RAB6B: variants seen among roughly 807,000 people sequenced by gnomAD.
RAB6B encodes RAB6B, member RAS oncogene family, also known as ras-related protein Rab-6B.
A neutral mutation model predicts 31.2 loss-of-function variants in RAB6B; 7 were observed. That is an observed-to-expected ratio of 0.22 (90% CI 0.13 to 0.42). The LOEUF is 0.42. Among genes scored for constraint, RAB6B ranks in the 10% least tolerant of loss-of-function variants. The pLI is 1.00. For synonymous variants in RAB6B, 105 were observed against 104.9 expected (o/e 1.00, Z -0.01); for missense variants, 149 against 280.6 (o/e 0.53, Z 3.35).
chr3:133,863,156 A>C (rs1018582753), intron 2 of RAB6B, among the ~76,000 whole-genome samples: 4 of 152,212 alleles, frequency 2.6e-5, no homozygotes, highest in Admixed American at 2.6e-4. Context: ...GGCTGTGCAC[A>C]TCAGCCAGGG....
At chr3:133,868,548 G>C (rs1936274072) in intron 1 of RAB6B, among the ~76,000 whole-genome samples, 1 of 152,228 alleles carries the variant, frequency 6.6e-6, no homozygotes, top group Non-Finnish European at 1.5e-5. Context: ...GCAGCAAAGA[G>C]GAGCTTTTTC....
chr3:133,852,717 G>T (rs888845542), intron 2 of RAB6B, among the ~76,000 whole-genome samples: 10 of 152,114 alleles, frequency 6.6e-5, no homozygotes, highest in African/African-American at 2.2e-4. Context: ...GGGCACAAGT[G>T]ATCCTTCCGC....
intron 7 of RAB6B, among the ~76,000 whole-genome samples, chr3:133,831,288 G>A (rs371244570): frequency 2.6e-4 from 40 of 152,166 alleles, no homozygotes; most frequent in East Asian, 1.2e-3. Flanking sequence ...ACAGACATCC[G>A]GGAAACCAAT....
intron 1 of RAB6B, among the ~76,000 whole-genome samples, chr3:133,874,217 G>A (rs1936361992): frequency 6.6e-6 from 1 of 152,182 alleles, no homozygotes. Context: ...TCTATCTATA[G>A]TCATGCTTTG....
chr3:133,850,470 T>C (rs1449527009), intron 2 of RAB6B, among the ~76,000 whole-genome samples: 1 of 152,124 alleles, frequency 6.6e-6, no homozygotes, highest in African/African-American at 2.4e-5. Flanking sequence ...AAGGCGCAGA[T>C]TTAAAAATCT....
chr3:133,871,696 A>T (rs1296010961), intron 1 of RAB6B, among the ~76,000 whole-genome samples: 2 of 152,238 alleles, frequency 1.3e-5, no homozygotes, highest in Non-Finnish European at 2.9e-5. Context: ...GGCTGCTGTA[A>T]GGGCCAGAAA....
At chr3:133,858,351 A>G (rs1936111324) in intron 2 of RAB6B, among the ~76,000 whole-genome samples, 1 of 152,320 alleles carries the variant, frequency 6.6e-6, no homozygotes, top group East Asian at 1.9e-4. Flanking sequence ...AATTCTTAAC[A>G]TGTTTTTAAA....
chr3:133,858,137 G>A (rs1257304575), intron 2 of RAB6B, among the ~76,000 whole-genome samples: 1 of 152,120 alleles, frequency 6.6e-6, no homozygotes, highest in Non-Finnish European at 1.5e-5. Context: ...ACCCGCCCTC[G>A]GGCCTTCCAC....
intron 2 of RAB6B, 31 bp downstream of exon 2, chr3:133,864,553 T>A (rs766818243): frequency 1.2e-6 from 2 of 1,605,162 alleles, no homozygotes; most frequent in Admixed American, 1.7e-5. Context: ...CACTGCCAGA[T>A]GATATGGAGG....
chr3:133,828,643 C>A lies in RAB6B; in HGVS notation c.*145G>T, dbSNP rs1471061676. On this transcript the variant is annotated 3_prime_UTR_variant, in exon 8 of 8. Coordinates refer to ENST00000285208, the MANE Select transcript of RAB6B (RefSeq NM_016577.4). ...ATCCCTGATGCCCAGCCTCCCTCCC[C>A]ATCCCACCCTACTCCTAAAGACAGA... 4.4e-6 allele frequency: 3 copies of A among 681,564 alleles called. No homozygotes were observed. Among genetic ancestry groups the A allele is most frequent in the Non-Finnish European group, 7.9e-6 (3 of 380,576 alleles). The allele number at this position is 681,564 out of a possible 1,614,324, so 42.2% of individuals were successfully genotyped here.
At position 133,895,642 on chromosome 3, in the gene RAB6B, C is replaced by CCGG. The variant is rs1936699611; in HGVS notation, c.-179_-177dup. 1.6e-6 allele frequency: 1 copy of CCGG among 623,774 alleles called. No individual in the cohort carries two copies. Among genetic ancestry groups the CCGG allele is most frequent in the South Asian group, 2.0e-5 (1 of 50,400 alleles). The allele number at this position is 623,774 out of a possible 1,614,324, so 38.6% of individuals were successfully genotyped here. A position where few individuals can be genotyped will look rare whatever the true frequency, so the allele number is the denominator to read the frequency against. ...CCGGTCCCGGCCTGCGGCTGCGTGT[C>CCGG]CGGCGGCGGAGGAGGAGGAGGAGAG... On this transcript the variant is annotated 5_prime_UTR_variant, in exon 1 of 8. Coordinates refer to ENST00000285208, the MANE Select transcript of RAB6B (RefSeq NM_016577.4).
At chr3:133,889,115 C>G (rs1936593903) in intron 1 of RAB6B, among the ~76,000 whole-genome samples, 1 of 152,070 alleles carries the variant, frequency 6.6e-6, no homozygotes, top group Non-Finnish European at 1.5e-5. Context: ...GTCACCTTCC[C>G]CAGTGGTTCT....
intron 2 of RAB6B, among the ~76,000 whole-genome samples, chr3:133,844,653 C>T (rs554794158): frequency 5.3e-5 from 8 of 152,186 alleles, no homozygotes; most frequent in South Asian, 2.1e-4. Flanking sequence ...AAAAGCAGGA[C>T]GAGGCAGGGT....
In RAB6B at chr3:133,825,040, C is replaced by CTT. The variant is rs903044331; in HGVS notation, c.*3746_*3747dup. 6.6e-6 allele frequency: 1 copy of CTT among 152,194 alleles called. No individual in the cohort carries two copies. Among genetic ancestry groups the CTT allele is most frequent in the African/African-American group, 2.4e-5 (1 of 41,440 alleles). The allele number at this position is 152,194 out of a possible 1,614,324, so 9.4% of individuals were successfully genotyped here. A position where few individuals can be genotyped will look rare whatever the true frequency, so the allele number is the denominator to read the frequency against. ...TAACAAGGTGACAATGCCTCACATT[C>CTT]TTTGGGGAGAGGCAGTTCGGAAACG... is the stretch of plus-strand genomic sequence containing the variant. On this transcript the variant is annotated 3_prime_UTR_variant, in exon 8 of 8. Coordinates refer to ENST00000285208, the MANE Select transcript of RAB6B (RefSeq NM_016577.4).
chr3:133,886,062 C>A (rs910545889), intron 1 of RAB6B, among the ~76,000 whole-genome samples: 1 of 152,124 alleles, frequency 6.6e-6, no homozygotes, highest in South Asian at 2.1e-4. Context: ...CTACTGACTC[C>A]CCCAGGCTCA....
Position 133,828,285 on chromosome 3 carries a change from T to C in RAB6B, c.*503A>G. 1 of 437,524 alleles carries C rather than the reference T, an allele frequency of 2.3e-6. No homozygotes were observed. Among genetic ancestry groups the C allele is most frequent in the Non-Finnish European group, 4.1e-6 (1 of 244,776 alleles). 27.1% of individuals were successfully genotyped at this position (437,524 alleles called of 1,614,324 possible). ...GTAGGGCCTAGAGAGTGGGGCCAGA[T>C]GGCCCCAGACTGAAGCCTAATTAAT... On this transcript the variant is annotated 3_prime_UTR_variant, in exon 8 of 8. Transcript: ENST00000285208.
At chr3:133,858,053 C>T (rs1007148993) in intron 2 of RAB6B, among the ~76,000 whole-genome samples, 1 of 152,130 alleles carries the variant, frequency 6.6e-6, no homozygotes, top group Non-Finnish European at 1.5e-5. Context: ...CTCCCACAAA[C>T]TCCTTATCTT....
Position 133,828,259 on chromosome 3 carries a change from A to C in RAB6B, c.*529T>G. The C allele has an allele frequency of 4.1e-6, 2 of 489,142 alleles. No homozygotes were observed. The highest frequency in any genetic ancestry group is 4.9e-5 in the South Asian group (2 of 40,758). The allele number at this position is 489,142 out of a possible 1,614,324, so 30.3% of individuals were successfully genotyped here. A position where few individuals can be genotyped will look rare whatever the true frequency, so the allele number is the denominator to read the frequency against. ...TTCAACCAATGTTTGATTTAACTGGAGTAGGGCCTAGAGAGTGGGGCCAGA... is the reference window on the plus strand; with the variant it reads ...TTCAACCAATGTTTGATTTAACTGGCGTAGGGCCTAGAGAGTGGGGCCAGA... On this transcript the variant is annotated 3_prime_UTR_variant, in exon 8 of 8. Coordinates refer to ENST00000285208, the MANE Select transcript of RAB6B (RefSeq NM_016577.4).
Position 133,824,357 on chromosome 3 carries a change from T to C in RAB6B, c.*4431A>G, listed in dbSNP as rs1225233237. ...TCTTCTGAGCCCATAACAGATGGAA[T>C]TGCCACCCTCTGTGCTCCTCACAGC... On this transcript the variant is annotated 3_prime_UTR_variant, in exon 8 of 8. Transcript: ENST00000285208. 8 of 152,178 alleles carry C rather than the reference T, an allele frequency of 5.3e-5. No individual in the cohort carries two copies. The highest frequency in any genetic ancestry group is 1.0e-4 in the Non-Finnish European group (7 of 68,048). 9.4% of individuals were successfully genotyped at this position (152,178 alleles called of 1,614,324 possible).
Sources: allele counts gnomAD v4.1 joint callset (sites outside exome capture counted in the v4.1 genomes callset), GRCh38; gene constraint gnomAD v4.1.1; transcripts MANE v1.5; gene names NCBI Gene and HGNC (gene_info 2026-07-23, HGNC 2026-07-21).